PIK3C3: variants seen among roughly 807,000 people sequenced by gnomAD.
PIK3C3 encodes the protein phosphatidylinositol 3-kinase catalytic subunit type 3.
In PIK3C3, 95 loss-of-function variants were observed where a neutral mutation model predicts 126.1. The observed-to-expected ratio is 0.75, with a 90% CI of 0.64 to 0.89. The LOEUF is 0.89. Ranked by LOEUF, PIK3C3 falls within the 40% of genes least tolerant of loss-of-function variation. PIK3C3 has a pLI of 0.00. For synonymous variants in PIK3C3, 374 were observed against 360.0 expected, an observed-to-expected ratio of 1.04 and a Z score of -0.44; for missense variants, 829 against 1,063.2, an observed-to-expected ratio of 0.78 and a Z score of 3.06.
At chr18:41,979,020 A>G (rs1267328978) in intron 4 of PIK3C3, among the ~76,000 whole-genome samples, 2 of 147,098 alleles carry the variant, frequency 1.4e-5, no homozygotes, top group African/African-American at 5.0e-5. Flanking sequence ...GCTTGAGTCC[A>G]GGAGTTTGAC....
chr18:41,960,031 C>T (rs1332186082), intron 2 of PIK3C3, among the ~76,000 whole-genome samples: 1 of 152,066 alleles, frequency 6.6e-6, no homozygotes, highest in Non-Finnish European at 1.5e-5. Context: ...TCTTGCTATC[C>T]AAATTTTTGC....
At chr18:41,996,975 T>A (rs1358055419) in intron 9 of PIK3C3, among the ~76,000 whole-genome samples, 1 of 152,148 alleles carries the variant, frequency 6.6e-6, no homozygotes, top group East Asian at 1.9e-4. Flanking sequence ...TGGGTTCGTT[T>A]TCCAGAAGTA....
intron 4 of PIK3C3, among the ~76,000 whole-genome samples, chr18:41,975,689 A>C (rs999111714): frequency 6.9e-6 from 1 of 145,482 alleles, no homozygotes; most frequent in South Asian, 2.2e-4. Context: ...GGGAAATCTA[A>C]AACGGACTGT....
At chr18:42,061,641 T>C (rs565529727) in intron 22 of PIK3C3, among the ~76,000 whole-genome samples, 1 of 152,184 alleles carries the variant, frequency 6.6e-6, no homozygotes, top group African/African-American at 2.4e-5. Context: ...GACTGTCCTA[T>C]GAAGTAAACA....
intron 24 of PIK3C3, among the ~76,000 whole-genome samples, chr18:42,079,500 A>G (rs1442198653): frequency 1.3e-5 from 2 of 152,216 alleles, no homozygotes; most frequent in Non-Finnish European, 2.9e-5. Flanking sequence ...ACACAGAGAC[A>G]CAAAGTGAAC....
chr18:42,038,571 T>C (rs577951329), intron 17 of PIK3C3, among the ~76,000 whole-genome samples: 12 of 152,230 alleles, frequency 7.9e-5, no homozygotes, highest in Non-Finnish European at 1.2e-4. Flanking sequence ...CTTGAACTCC[T>C]GACCTCAGGT....
At chr18:42,061,651 A>G (rs1044336971) in intron 22 of PIK3C3, among the ~76,000 whole-genome samples, 1 of 152,198 alleles carries the variant, frequency 6.6e-6, no homozygotes, top group Non-Finnish European at 1.5e-5. Context: ...TGAAGTAAAC[A>G]CTTGGTATTT....
intron 3 of PIK3C3, among the ~76,000 whole-genome samples, chr18:41,964,811 G>T (rs1468904800): frequency 1.3e-5 from 2 of 152,020 alleles, no homozygotes; most frequent in African/African-American, 2.4e-5. Flanking sequence ...TTCCTATCCA[G>T]GAAAAGAGTG....
At chr18:41,992,162 G>T (rs1012111736) in intron 6 of PIK3C3, among the ~76,000 whole-genome samples, 1 of 152,068 alleles carries the variant, frequency 6.6e-6, no homozygotes, top group African/African-American at 2.4e-5. Context: ...ATAAATTAAT[G>T]CCTGTCTACC....
At chr18:41,961,832 G>C (rs1211388749) in intron 2 of PIK3C3, among the ~76,000 whole-genome samples, 2 of 152,064 alleles carry the variant, frequency 1.3e-5, no homozygotes, top group Non-Finnish European at 2.9e-5. Context: ...AAGAGCTGTG[G>C]TGTCATTAAC....
intron 18 of PIK3C3, 92 bp from the exon 19 acceptor site, chr18:42,040,585 T>C: frequency 1.2e-6 from 1 of 836,996 alleles, no homozygotes; most frequent in Non-Finnish European, 1.9e-6. Flanking sequence ...GGAATGCATT[T>C]ATTCAGAGAT....
Position 42,085,234 on chromosome 18 carries a change from G to GT in PIK3C3, c.*4103dup, listed in dbSNP as rs1876657775. Reference sequence around the variant, plus strand: ...GCTGGTACATTGCATTTCAACACTAGTTTTTTACTTTTATCTACCCTGAGG... The same window carrying GT: ...GCTGGTACATTGCATTTCAACACTAGTTTTTTTACTTTTATCTACCCTGAGG... On this transcript the variant is annotated 3_prime_UTR_variant, in exon 25 of 25. Coordinates refer to ENST00000262039, the MANE Select transcript of PIK3C3 (RefSeq NM_002647.4). 6.6e-6 allele frequency: 1 copy of GT among 152,048 alleles called. No homozygotes were observed. Among genetic ancestry groups the GT allele is most frequent in the Admixed American group, 6.6e-5 (1 of 15,266 alleles). 9.4% of individuals were successfully genotyped at this position (152,048 alleles called of 1,614,324 possible).
At chr18:41,991,170 G>T (rs1981757435) in intron 6 of PIK3C3, among the ~76,000 whole-genome samples, 1 of 151,408 alleles carries the variant, frequency 6.6e-6, no homozygotes, top group Non-Finnish European at 1.5e-5. Context: ...TTAAATGCTT[G>T]TAGAAGGTGC....
chr18:41,955,456 G>A lies in PIK3C3; in HGVS notation c.68+97G>A, dbSNP rs751715230. On this transcript the variant is annotated intron_variant, in intron 1 of 24. Coordinates refer to ENST00000262039, the MANE Select transcript of PIK3C3 (RefSeq NM_002647.4). The stretch of plus-strand genomic sequence containing the variant: ...GTGAGAGGCAGAAAGTACGTGACTC[G>A]TCTCAAGGCCCAGATTGGGGGCGGC... 4 of 1,045,334 alleles carry A rather than the reference G, an allele frequency of 3.8e-6. No individual in the cohort carries two copies. The South Asian group carries it at 4.2e-5, about 11-fold the overall frequency. The allele number at this position is 1,045,334 out of a possible 1,614,324, so 64.8% of individuals were successfully genotyped here.
intron 24 of PIK3C3, among the ~76,000 whole-genome samples, chr18:42,074,860 T>C (rs1396471950): frequency 6.6e-6 from 1 of 152,112 alleles, no homozygotes; most frequent in Non-Finnish European, 1.5e-5. Context: ...CCCTCATACG[T>C]GCCAGACTAG....
At chr18:42,076,166 A>G (rs1332354533) in intron 24 of PIK3C3, among the ~76,000 whole-genome samples, 1 of 80,752 alleles carries the variant, frequency 1.2e-5, no homozygotes, top group Non-Finnish European at 2.2e-5. Flanking sequence ...ATATATGCAC[A>G]TATATATATA....
rs1982437238 is a variant in PIK3C3, at chr18:42,004,378, G to A, written c.1007G>A (p.Cys336Tyr). ...QEKALTKFLKCVNWDLPQEAK... is the reference protein window; with the variant it reads ...QEKALTKFLKYVNWDLPQEAK... ...TAGGCCTTGACAAAATTCTTGAAATGTGTTAATTGGGATCTACCTCAAGAG... is the reference window on the plus strand; with the variant it reads ...TAGGCCTTGACAAAATTCTTGAAATATGTTAATTGGGATCTACCTCAAGAG... The change falls in exon 10 of 25, where the codon TGT (cysteine) becomes TAT (tyrosine). Residue 336 changes from cysteine to tyrosine, a missense_variant. Around this residue, in one of 4 missense-constraint regions of PIK3C3, gnomAD observed 64 missense variants for 118.7 expected, o/e 0.54. Transcript: ENST00000262039. The A allele has an allele frequency of 6.2e-7, 1 of 1,609,268 alleles. No individual in the cohort carries two copies. Among genetic ancestry groups the A allele is most frequent in the South Asian group, 1.1e-5 (1 of 89,720 alleles).
At position 42,037,524 on chromosome 18, in the gene PIK3C3, A is replaced by T. The variant is rs180892314; in HGVS notation, c.1840-168A>T. ...TAGTCTTCTGACTACTAGCTAGTTC[A>T]CTGTTCTTTCCAGTATACCCTAATG... On this transcript the variant is annotated intron_variant, in intron 16 of 24. Transcript: ENST00000262039. 2.5e-3 allele frequency among the ~76,000 whole-genome samples: 379 copies of T among 152,274 alleles called. 2 individuals carry two copies. Among genetic ancestry groups the T allele is most frequent in the African/African-American group, 8.8e-3 (367 of 41,558 alleles).
chr18:42,027,235 C>T (rs966798693), intron 13 of PIK3C3: 5 of 276,558 alleles, frequency 1.8e-5, no homozygotes, highest in Non-Finnish European at 2.7e-5. Context: ...TAAGGCATTA[C>T]CACTCTTAGT....
Sources: allele counts gnomAD v4.1 joint callset (sites outside exome capture counted in the v4.1 genomes callset), GRCh38; gene constraint gnomAD v4.1.1; regional missense constraint gnomAD v4.1.1; transcripts MANE v1.5; gene names NCBI Gene and HGNC (gene_info 2026-07-23, HGNC 2026-07-21).